VPS41: variants seen among roughly 807,000 people sequenced by gnomAD.
The protein encoded by VPS41 is vacuolar protein sorting-associated protein 41 homolog.
Under a neutral mutation model 130.9 loss-of-function variants are expected in VPS41, and 85 were observed. The observed-to-expected ratio is 0.65, with a 90% CI of 0.55 to 0.78. The LOEUF is 0.78. Among genes scored for constraint, VPS41 ranks in the 30% least tolerant of loss-of-function variants. VPS41 has a pLI of 0.00. For missense variants in VPS41, 874 were observed against 1,018.7 expected, an observed-to-expected ratio of 0.86 and a Z score of 1.93; for synonymous variants, 335 against 332.9, an observed-to-expected ratio of 1.01 and a Z score of -0.07.
chr7:38,806,673 C>G (rs1240112770), intron 7 of VPS41, among the ~76,000 whole-genome samples: 1 of 152,262 alleles, frequency 6.6e-6, no homozygotes, highest in Non-Finnish European at 1.5e-5. Flanking sequence ...ATTTGGTGTA[C>G]AGCCTTCCAT....
intron 7 of VPS41, among the ~76,000 whole-genome samples, chr7:38,800,574 C>A (rs1002800158): frequency 1.3e-5 from 2 of 152,150 alleles, no homozygotes; most frequent in African/African-American, 4.8e-5. Flanking sequence ...CGGCTCATGC[C>A]TGTAATCCCA....
At chr7:38,865,652 C>A (rs1312578941) in intron 3 of VPS41, among the ~76,000 whole-genome samples, 2 of 152,178 alleles carry the variant, frequency 1.3e-5, no homozygotes, top group Non-Finnish European at 2.9e-5. Context: ...CCAAGGCAGA[C>A]AGGGTAGGCT....
chr7:38,814,666 A>G (rs1453953599), intron 7 of VPS41, among the ~76,000 whole-genome samples: 1 of 152,074 alleles, frequency 6.6e-6, no homozygotes, highest in Non-Finnish European at 1.5e-5. Context: ...AACAAAAACA[A>G]AAACAAAAAA....
chr7:38,838,802 A>C (rs909408146), intron 4 of VPS41, among the ~76,000 whole-genome samples: 1 of 152,212 alleles, frequency 6.6e-6, no homozygotes, highest in African/African-American at 2.4e-5. Flanking sequence ...AAATACACTT[A>C]GTATGGATTA....
intron 5 of VPS41, among the ~76,000 whole-genome samples, chr7:38,826,262 A>G (rs949828662): frequency 1.3e-4 from 20 of 152,226 alleles, no homozygotes; most frequent in African/African-American, 4.6e-4. Flanking sequence ...CAAGTTAGAC[A>G]TTGAATCTGT....
intron 25 of VPS41, among the ~76,000 whole-genome samples, chr7:38,738,737 T>C (rs1435533596): frequency 6.6e-6 from 1 of 152,208 alleles, no homozygotes; most frequent in East Asian, 1.9e-4. Flanking sequence ...GCTTATGAAG[T>C]GCAATACATG....
chr7:38,832,984 C>T (rs1254459333), intron 4 of VPS41, among the ~76,000 whole-genome samples: 1 of 152,166 alleles, frequency 6.6e-6, no homozygotes, highest in Non-Finnish European at 1.5e-5. Context: ...CCAATATTCC[C>T]TCTGGAAAGG....
intron 23 of VPS41, among the ~76,000 whole-genome samples, chr7:38,744,064 GC>G (rs1795938542): frequency 6.6e-6 from 1 of 152,144 alleles, no homozygotes; most frequent in Non-Finnish European, 1.5e-5. Context: ...TGTGCCAACT[GC>G]AAACTCAACT....
At chr7:38,858,165 G>A (rs1274149474) in intron 4 of VPS41, among the ~76,000 whole-genome samples, 1 of 152,090 alleles carries the variant, frequency 6.6e-6, no homozygotes, top group Non-Finnish European at 1.5e-5. Flanking sequence ...AAAGGGAAGG[G>A]GATTCTCTAC....
At chr7:38,836,196 C>T (rs1013458534) in intron 4 of VPS41, among the ~76,000 whole-genome samples, 1 of 151,868 alleles carries the variant, frequency 6.6e-6, no homozygotes, top group South Asian at 2.1e-4. Context: ...TACTCAAATT[C>T]TTTTTCTTTT....
chr7:38,761,721 G>A (rs1783926145), intron 17 of VPS41, among the ~76,000 whole-genome samples: 1 of 152,058 alleles, frequency 6.6e-6, no homozygotes, highest in South Asian at 2.1e-4. Flanking sequence ...CTCCTGAATA[G>A]CTGAGAGTAC....
intron 18 of VPS41, among the ~76,000 whole-genome samples, chr7:38,757,302 G>A (rs758011565): frequency 1.3e-5 from 2 of 152,110 alleles, no homozygotes; most frequent in Non-Finnish European, 2.9e-5. Flanking sequence ...TAGGATCCAG[G>A]ATGAAGTTCT....
intron 15 of VPS41, 190 bp from the exon 16 acceptor site, chr7:38,765,851 A>G: frequency 2.1e-6 from 1 of 471,422 alleles, no homozygotes; most frequent in Non-Finnish European, 3.7e-6. Flanking sequence ...TTGCATACAT[A>G]AATTAACACA....
chr7:38,727,629 T>C (rs1795573399), intron 27 of VPS41, among the ~76,000 whole-genome samples: 1 of 152,196 alleles, frequency 6.6e-6, no homozygotes, highest in African/African-American at 2.4e-5. Flanking sequence ...CCTGAGCCCA[T>C]GCAGTTTTCA....
chr7:38,737,466 A>C lies in VPS41; in HGVS notation c.2259+4519T>G, dbSNP rs191523878. On this transcript the variant is annotated intron_variant, in intron 25 of 28. Transcript: ENST00000310301. ...AAAACATAAATCAAAAGCAAGAGTAATGGCAAGCATTACCCATGAAAAGAA... is the reference window on the plus strand; with the variant it reads ...AAAACATAAATCAAAAGCAAGAGTACTGGCAAGCATTACCCATGAAAAGAA... Among the ~76,000 whole-genome samples, 54 of 152,312 alleles carry C rather than the reference A, an allele frequency of 3.5e-4. 1 individual carries two copies. The highest frequency in any genetic ancestry group is 1.2e-3 in the African/African-American group (50 of 41,566).
At chr7:38,850,202 C>T (rs983161973) in intron 4 of VPS41, among the ~76,000 whole-genome samples, 2 of 152,206 alleles carry the variant, frequency 1.3e-5, no homozygotes, top group Non-Finnish European at 2.9e-5. Context: ...ATTGATCAGA[C>T]TTTTAAATGC....
At position 38,728,693 on chromosome 7, in the gene VPS41, A is replaced by G. The variant is rs1394180359; in HGVS notation, c.2358T>C (p.Asp786=). 6 of 1,614,048 alleles carry G rather than the reference A, an allele frequency of 3.7e-6. No individual in the cohort carries two copies. The African/African-American group carries it at 5.3e-5, about 14-fold the overall frequency. The change falls in exon 26 of 29, where the codon GAT becomes GAC. Residue 786 remains aspartate (D), a splice_region_variant and synonymous_variant. Transcript: ENST00000310301. ...TATGATTATTTCAATTTTACCCACC[A>G]TCAACAAGAACACCTTTCATTTGAG... ...HRTQMKGVLV[D]EENICESCLS...
intron 2 of VPS41, among the ~76,000 whole-genome samples, chr7:38,885,133 G>A (rs1786694727): frequency 6.6e-6 from 1 of 152,056 alleles, no homozygotes; most frequent in Admixed American, 6.5e-5. Flanking sequence ...GAGTGCAGTG[G>A]CACAATCTCG....
intron 22 of VPS41, among the ~76,000 whole-genome samples, chr7:38,747,537 C>T (rs1056965299): frequency 2.0e-5 from 3 of 152,158 alleles, no homozygotes; most frequent in African/African-American, 7.2e-5. Context: ...TTTAAAATAC[C>T]ATTCAAGATT....
Sources: allele counts gnomAD v4.1 joint callset (sites outside exome capture counted in the v4.1 genomes callset), GRCh38; gene constraint gnomAD v4.1.1; transcripts MANE v1.5; gene names NCBI Gene and HGNC (gene_info 2026-07-23, HGNC 2026-07-21).